PGAP4: variants seen among roughly 807,000 people sequenced by gnomAD.
The protein encoded by PGAP4 is post-GPI attachment to proteins GalNAc transferase 4.
Under a neutral mutation model 28.2 loss-of-function variants are expected in PGAP4, and 12 were observed. The observed-to-expected ratio is 0.42, with a 90% CI of 0.27 to 0.69. The LOEUF is 0.69. Ranked by LOEUF, PGAP4 falls within the 30% of genes least tolerant of loss-of-function variation. PGAP4 has a pLI of 0.22. For missense variants in PGAP4, 425 were observed against 513.5 expected, an observed-to-expected ratio of 0.83 and a Z score of 1.67; for synonymous variants, 205 against 211.8, an observed-to-expected ratio of 0.97 and a Z score of 0.28.
At chr9:101,482,830 C>T (rs1462994027) in intron 1 of PGAP4, among the ~76,000 whole-genome samples, 1 of 152,178 alleles carries the variant, frequency 6.6e-6, no homozygotes, top group Non-Finnish European at 1.5e-5. Context: ...ATTCATTTGT[C>T]ACTTTCTACT....
chr9:101,477,244 G>C, intron 1 of PGAP4, 75 bp from the exon 2 acceptor site: 1 of 975,710 alleles, frequency 1.0e-6, no homozygotes, highest in Non-Finnish European at 1.4e-6. Flanking sequence ...AAAAACAAAA[G>C]GACAAGAACT....
intron 2 of PGAP4, among the ~76,000 whole-genome samples, chr9:101,529,450 C>T (rs191886415): frequency 2.0e-4 from 30 of 152,292 alleles, no homozygotes; most frequent in African/African-American, 6.5e-4. Context: ...CCACCGCGCC[C>T]GGCCTTCTCT....
chr9:101,485,042 G>A (rs998269108), intron 1 of PGAP4, among the ~76,000 whole-genome samples: 6 of 152,184 alleles, frequency 3.9e-5, no homozygotes, highest in African/African-American at 1.4e-4. Flanking sequence ...GAACATGACA[G>A]TCAGGGCACC....
intron 2 of PGAP4, among the ~76,000 whole-genome samples, chr9:101,511,262 A>T (rs925775101): frequency 3.3e-5 from 5 of 151,898 alleles, no homozygotes; most frequent in Admixed American, 6.6e-5. Flanking sequence ...CCTGCCACTC[A>T]CCTCCTGCTG....
intron 1 of PGAP4, chr9:101,531,676 C>G (rs1049954260): frequency 6.6e-5 from 10 of 152,106 alleles, no homozygotes; most frequent in African/African-American, 2.4e-4. Context: ...TAAGACAATC[C>G]TTGGAGATTG....
chr9:101,493,492 A>T (rs1826710559), intron 2 of PGAP4, among the ~76,000 whole-genome samples: 2 of 151,836 alleles, frequency 1.3e-5, no homozygotes, highest in Non-Finnish European at 2.9e-5. Context: ...TATGTAAAAT[A>T]TTTTTTTTCA....
At chr9:101,487,175 C>A (rs1588201827), upstream of PGAP4, 1 of 152,352 alleles carries the variant, frequency 6.6e-6, no homozygotes, top group East Asian at 1.9e-4. Context: ...TGCGGAGAGA[C>A]CGCGGCCCCC....
At chr9:101,495,167 T>C (rs1374664651) in intron 2 of PGAP4, among the ~76,000 whole-genome samples, 1 of 109,836 alleles carries the variant, frequency 9.1e-6, no homozygotes, top group African/African-American at 3.4e-5. Flanking sequence ...ATATTTTATA[T>C]ATATTATATA....
intron 2 of PGAP4, among the ~76,000 whole-genome samples, chr9:101,529,397 C>G (rs1021295097): frequency 6.6e-6 from 1 of 152,102 alleles, no homozygotes; most frequent in Non-Finnish European, 1.5e-5. Flanking sequence ...TCAGGTGATC[C>G]GCCCGCCTTG....
chr9:101,504,153 T>C (rs980705745), intron 2 of PGAP4, among the ~76,000 whole-genome samples: 3 of 150,124 alleles, frequency 2.0e-5, no homozygotes, highest in Non-Finnish European at 4.4e-5. Context: ...GAAAGTAACC[T>C]GATATTAACC....
At chr9:101,513,191 A>G (rs1826911866) in intron 2 of PGAP4, among the ~76,000 whole-genome samples, 3 of 152,156 alleles carry the variant, frequency 2.0e-5, no homozygotes, top group Admixed American at 2.0e-4. Flanking sequence ...ATCTTGCCTG[A>G]CCACCTTTGA....
intron 1 of PGAP4, among the ~76,000 whole-genome samples, chr9:101,482,230 G>T (rs10989528): frequency 0.18 from 26,943 of 152,270 alleles, 3,079 homozygotes; most frequent in East Asian, 0.39. Flanking sequence ...GGCGGATCAC[G>T]AGGTCAGGAG....
intron 2 of PGAP4, among the ~76,000 whole-genome samples, chr9:101,496,662 G>A (rs1029823199): frequency 6.6e-6 from 1 of 150,926 alleles, no homozygotes; most frequent in African/African-American, 2.4e-5. Flanking sequence ...TTGATTACAT[G>A]TTTAGACATT....
rs199562186 is a variant in PGAP4 at position 101,505,215 on chromosome 9, A to AT, written c.-164-16016dup. Among the ~76,000 whole-genome samples the AT allele has an allele frequency of 7.0e-3, 1,045 of 149,782 alleles. 10 individuals carry two copies. Among genetic ancestry groups the AT allele is most frequent in the African/African-American group, 0.022 (880 of 40,896 alleles). Reference sequence around the variant, plus strand: ...AGCTGTGAATACTTACAAAAGTGGCATTTTTTTTTTACCAAAGATAATTCA... The same window carrying AT: ...AGCTGTGAATACTTACAAAAGTGGCATTTTTTTTTTTACCAAAGATAATTCA... On this transcript the variant is annotated intron_variant, in intron 2 of 3. Coordinates refer to the PGAP4 transcript ENST00000374851.
At chr9:101,518,965 G>A (rs551222142) in intron 2 of PGAP4, among the ~76,000 whole-genome samples, 10 of 152,216 alleles carry the variant, frequency 6.6e-5, no homozygotes, top group East Asian at 1.9e-4. Flanking sequence ...CTACATCCAC[G>A]TCAACATCTA....
At position 101,476,230 on chromosome 9, in the gene PGAP4, C is replaced by T; in HGVS notation, c.863G>A (p.Gly288Glu). The T allele has an allele frequency of 6.2e-7, 1 of 1,614,136 alleles. No homozygotes were observed. The highest frequency in any genetic ancestry group is 8.5e-7 in the Non-Finnish European group (1 of 1,180,030). ...GAAGAGCATTACAGGCCAGCTAAAC[C>T]CTGGGCGGCTGGCAAACCTCATGTA... ...WIYMRFASRP[G>E]FSWPVMLFFS... is the part of the protein sequence containing the mutation. Residue 288 changes from glycine to glutamate, a missense_variant, in exon 2 of 2, where the codon GGG becomes GAG. Physicochemically the swap from Gly to Glu is moderately conservative, Grantham distance 98 (BLOSUM62 -2). Coordinates refer to ENST00000374848, the MANE Select transcript of PGAP4 (RefSeq NM_032342.3). This position sits in a 1 kb window ranked among gnomAD's most constrained non-coding sequence, Gnocchi z 7.0.
chr9:101,497,110 A>T (rs908396614), intron 2 of PGAP4, among the ~76,000 whole-genome samples: 1 of 151,160 alleles, frequency 6.6e-6, no homozygotes, highest in South Asian at 2.1e-4. Flanking sequence ...ACATTTTTCT[A>T]TAACAATTTT....
intron 2 of PGAP4, among the ~76,000 whole-genome samples, chr9:101,514,818 G>C (rs1310025691): frequency 6.6e-6 from 1 of 152,094 alleles, no homozygotes; most frequent in Non-Finnish European, 1.5e-5. Flanking sequence ...CTGAATTATA[G>C]TTGATCAGGT....
chr9:101,520,881 A>G (rs1229083625), intron 2 of PGAP4, among the ~76,000 whole-genome samples: 1 of 151,352 alleles, frequency 6.6e-6, no homozygotes, highest in African/African-American at 2.4e-5. Context: ...TATTACATTA[A>G]GGTATGTCCC....
Sources: gnomAD v4.1 joint callset for allele counts (sites outside exome capture counted in the v4.1 genomes callset) on GRCh38, gnomAD v4.1.1 for gene constraint, Gnocchi (gnomAD v3.1) non-coding constraint, MANE v1.5 for transcripts, NCBI Gene and HGNC (gene_info 2026-07-23, HGNC 2026-07-21) for gene names.